Variants in GALNTL6 observed in about 807,000 individuals in gnomAD.
GALNTL6 encodes the protein polypeptide N-acetylgalactosaminyltransferase-like 6.
A neutral mutation model predicts 73.7 loss-of-function variants in GALNTL6; 46 were observed. The ratio of observed to expected loss-of-function variants is 0.62; its 90% CI spans 0.49 to 0.80. The LOEUF (loss-of-function observed/expected upper bound fraction) is 0.80, where lower values mean the gene tolerates loss of function less well. GALNTL6 is among the 30% of genes least tolerant of loss of function. The pLI is 0.00. For synonymous variants in GALNTL6, 259 were observed against 263.7 expected, an observed-to-expected ratio of 0.98 and a Z score of 0.17; for missense variants, 604 against 755.0, an observed-to-expected ratio of 0.80 and a Z score of 2.34.
chr4:172,213,454 A>G (rs1437528304), intron 2 of GALNTL6, among the ~76,000 whole-genome samples: 2 of 152,152 alleles, frequency 1.3e-5, no homozygotes, highest in Non-Finnish European at 2.9e-5. Flanking sequence ...AATTTTAACC[A>G]TCCTAATAGA....
In GALNTL6 at chr4:172,505,965, G is replaced by A. The variant is rs1360410353; in HGVS notation, c.553+157276G>A. On this transcript the variant is annotated intron_variant, in intron 5 of 12. Transcript: ENST00000506823. ...CCTATAAACTTTAAGCAATAAATCC[G>A]GAAAGAAGAGAGGGAAAGAAACAAA... 3.7e-5 allele frequency among the ~76,000 whole-genome samples: 2 copies of A among 53,384 alleles called. 1 individual carries two copies. The allele number at this position is 53,384 out of a possible 152,430, so 35.0% of individuals were successfully genotyped here. A position where few individuals can be genotyped will look rare whatever the true frequency, so the allele number is the denominator to read the frequency against.
In GALNTL6 at chr4:172,657,209, C is replaced by T. The variant is rs79873582; in HGVS notation, c.554-152152C>T. 6.5e-3 allele frequency among the ~76,000 whole-genome samples: 993 copies of T among 152,284 alleles called. 11 individuals carry two copies. Among genetic ancestry groups the T allele is most frequent in the African/African-American group, 0.023 (953 of 41,552 alleles). ...CTTCATGATACTTTCTTGAAATACG[C>T]ACACAAAACTTACTGTCCGGATACC... On this transcript the variant is annotated intron_variant, in intron 5 of 12. Coordinates refer to ENST00000506823, the MANE Select transcript of GALNTL6 (RefSeq NM_001034845.3).
chr4:172,009,024 G>A (rs1171648458), intron 2 of GALNTL6, among the ~76,000 whole-genome samples: 2 of 151,860 alleles, frequency 1.3e-5, no homozygotes, highest in Admixed American at 6.6e-5. Flanking sequence ...GCATATTTCT[G>A]GTATTTCCAT....
At chr4:172,819,642 C>T (rs1741812433) in intron 7 of GALNTL6, among the ~76,000 whole-genome samples, 1 of 152,160 alleles carries the variant, frequency 6.6e-6, no homozygotes, top group South Asian at 2.1e-4. Flanking sequence ...ATGGGTCAGG[C>T]ACTTTGCTAG....
intron 5 of GALNTL6, among the ~76,000 whole-genome samples, chr4:172,657,939 A>G (rs142933708): frequency 0.17 from 25,704 of 151,086 alleles, 2,948 homozygotes; most frequent in Middle Eastern, 0.33. Flanking sequence ...TCACGAGGTC[A>G]GGAGATCGAG....
chr4:171,920,929 G>C (rs1560841633), intron 2 of GALNTL6, among the ~76,000 whole-genome samples: 2 of 151,936 alleles, frequency 1.3e-5, no homozygotes, highest in African/African-American at 4.8e-5. Context: ...ATTTACTTTT[G>C]ACTCCTTCAG....
intron 5 of GALNTL6, among the ~76,000 whole-genome samples, chr4:172,534,432 C>A (rs1023763173): frequency 6.6e-6 from 1 of 152,104 alleles, no homozygotes; most frequent in South Asian, 2.1e-4. Context: ...GTGAAAGCAG[C>A]AAATCTGGAA....
At chr4:172,033,475 A>C (rs1741833099) in intron 2 of GALNTL6, among the ~76,000 whole-genome samples, 1 of 152,086 alleles carries the variant, frequency 6.6e-6, no homozygotes, top group East Asian at 1.9e-4. Flanking sequence ...GTTTCAAATT[A>C]GATGAAATCA....
chr4:172,181,172 A>G (rs1363073648), intron 2 of GALNTL6, among the ~76,000 whole-genome samples: 1 of 152,176 alleles, frequency 6.6e-6, no homozygotes, highest in Non-Finnish European at 1.5e-5. Context: ...TAAAGAAAGA[A>G]AATTTCAGGC....
intron 4 of GALNTL6, among the ~76,000 whole-genome samples, chr4:172,331,071 T>C (rs1741107133): frequency 6.6e-6 from 1 of 152,118 alleles, no homozygotes; most frequent in Non-Finnish European, 1.5e-5. Context: ...AAAACAGCAC[T>C]AATAACTTTA....
chr4:172,508,867 A>ATGTG (rs3083417), intron 5 of GALNTL6, among the ~76,000 whole-genome samples: 1 of 40,332 alleles, frequency 2.5e-5, no homozygotes, highest in African/African-American at 6.2e-5. Flanking sequence ...TGCTATAAAC[A>ATGTG]TGTGTGTGTG....
At chr4:171,950,836 T>G (rs1170776179) in intron 2 of GALNTL6, among the ~76,000 whole-genome samples, 1 of 152,084 alleles carries the variant, frequency 6.6e-6, no homozygotes, top group East Asian at 1.9e-4. Flanking sequence ...GCTGAGATGA[T>G]TACCTATGTT....
chr4:172,417,324 A>G (rs1730881522), intron 5 of GALNTL6, among the ~76,000 whole-genome samples: 2 of 152,170 alleles, frequency 1.3e-5, no homozygotes, highest in South Asian at 4.1e-4. Flanking sequence ...GAAATTATGC[A>G]CAGAATTCAA....
rs891828456 is a variant in GALNTL6, at chr4:172,672,299, G to A, written c.554-137062G>A. ...GTTTTTGTTTTAGTTCTGTTTATGT[G>A]ATGAAACACATTTATTGATTTGCAT... On this transcript the variant is annotated intron_variant, in intron 5 of 12. Transcript: ENST00000506823. Among the ~76,000 whole-genome samples the A allele has an allele frequency of 2.6e-5, 4 of 152,208 alleles. No homozygotes were observed. In the South Asian group the frequency reaches 8.3e-4, roughly 32 times the overall value.
intron 2 of GALNTL6, among the ~76,000 whole-genome samples, chr4:172,118,203 G>A (rs1733038876): frequency 6.6e-6 from 1 of 152,018 alleles, no homozygotes. Context: ...TTTTACTATA[G>A]CTTTATTTTA....
At chr4:172,168,924 A>T (rs1177060158) in intron 2 of GALNTL6, among the ~76,000 whole-genome samples, 1 of 152,238 alleles carries the variant, frequency 6.6e-6, no homozygotes, top group East Asian at 1.9e-4. Flanking sequence ...TACCCCAAAC[A>T]TCATGAACTG....
At chr4:172,916,449 GT>G (rs1255799403) in intron 8 of GALNTL6, among the ~76,000 whole-genome samples, 1 of 152,182 alleles carries the variant, frequency 6.6e-6, no homozygotes, top group African/African-American at 2.4e-5. Context: ...AAAAGAGGAA[GT>G]CAAATTGTCT....
At chr4:172,413,369 T>C (rs186380402) in intron 5 of GALNTL6, among the ~76,000 whole-genome samples, 52 of 152,338 alleles carry the variant, frequency 3.4e-4, no homozygotes, top group Admixed American at 3.4e-3. Flanking sequence ...TATCATAACA[T>C]TGCCCTAGAG....
At chr4:171,942,241 G>GATAAATAAATAAATGA (rs1738570950) in intron 2 of GALNTL6, among the ~76,000 whole-genome samples, 1 of 30,154 alleles carries the variant, frequency 3.3e-5, no homozygotes, top group Non-Finnish European at 2.1e-4. Context: ...AAAATAAATA[G>GATAAATAAATAAATGA]ATAAATAAAT....
Sources: allele counts gnomAD v4.1 joint callset (sites outside exome capture counted in the v4.1 genomes callset), GRCh38; gene constraint gnomAD v4.1.1; transcripts MANE v1.5; gene names NCBI Gene and HGNC (gene_info 2026-07-23, HGNC 2026-07-21).